PPM1M: variants seen among roughly 807,000 people sequenced by gnomAD.
PPM1M encodes protein phosphatase, Mg2+/Mn2+ dependent 1M, also known as protein phosphatase 1M.
PPM1M carries 44 observed loss-of-function variants against 50.8 expected under a neutral mutation model. The ratio of observed to expected loss-of-function variants is 0.87; its 90% CI spans 0.68 to 1.11. The LOEUF (loss-of-function observed/expected upper bound fraction) is 1.11, where lower values mean the gene tolerates loss of function less well. Among genes scored for constraint, PPM1M ranks in the 50% most tolerant of loss-of-function variants. The pLI is 0.00. For synonymous variants in PPM1M, 224 were observed against 242.9 expected, an observed-to-expected ratio of 0.92 and a Z score of 0.72; for missense variants, 556 against 593.4, an observed-to-expected ratio of 0.94 and a Z score of 0.66.
At position 52,245,767 on chromosome 3, in the gene PPM1M, C is replaced by T. The variant is rs1275697924; in HGVS notation, c.-58C>T. 5 of 873,908 alleles carry T rather than the reference C, an allele frequency of 5.7e-6. No homozygotes were observed. In the East Asian group the frequency reaches 4.9e-4, roughly 86 times the overall value. The allele number at this position is 873,908 out of a possible 1,614,324, so 54.1% of individuals were successfully genotyped here. ...CCGCCCGCGGCCCGCTTCTTCCTCCCGCGGGCGGCCCAGCCCTAGCGCCCC... is the reference window on the plus strand; with the variant it reads ...CCGCCCGCGGCCCGCTTCTTCCTCCTGCGGGCGGCCCAGCCCTAGCGCCCC... On this transcript the variant is annotated 5_prime_UTR_variant, in exon 1 of 10. Coordinates refer to ENST00000323588, the MANE Select transcript of PPM1M (RefSeq NM_144641.4). The surrounding 1 kb of genome is among the most constrained non-coding windows in gnomAD (Gnocchi z 4.8).
Position 52,247,641 on chromosome 3 carries a change from G to A in PPM1M, c.598-41G>A, listed in dbSNP as rs765747690. The stretch of plus-strand genomic sequence containing the variant: ...GATTGAGAGACAAAGTAGTATGGTG[G>A]CAGAACAGGCAGCAGCTAAGGTGGC... On this transcript the variant is annotated intron_variant, in intron 3 of 9. Coordinates refer to ENST00000323588, the MANE Select transcript of PPM1M (RefSeq NM_144641.4). 3.1e-6 allele frequency: 4 copies of A among 1,287,976 alleles called. No homozygotes were observed. The African/African-American group carries it at 4.4e-5, about 14-fold the overall frequency. The allele number at this position is 1,287,976 out of a possible 1,614,324, so 79.8% of individuals were successfully genotyped here. A position where few individuals can be genotyped will look rare whatever the true frequency, so the allele number is the denominator to read the frequency against.
chr3:52,249,495 ATTTAGACTCTCATGG>A, intron 9 of PPM1M, 160 bp from the exon 10 acceptor site: 2 of 1,259,020 alleles, frequency 1.6e-6, no homozygotes, highest in Non-Finnish European at 1.1e-6. Flanking sequence ...AAATCCCTGG[ATTTAGACTCTCATGG>A]TCCAGCCCGT....
rs746381519 is a variant in PPM1M, at chr3:52,248,638, A to T, written c.916A>T (p.Ser306Cys). Residue 306 changes from serine to cysteine, a missense_variant and splice_region_variant, in exon 7 of 10, where the codon AGC (serine) becomes TGC (cysteine). Transcript: ENST00000323588. ...TGATGCTGGCTCTGCTCCTGGTAGG[A>T]GCTACAAACGTGTGGAGAAATCGGA... ...LFRDHHMSGW[S>C]YKRVEKSDLK... 6 of 1,613,692 alleles carry T rather than the reference A, an allele frequency of 3.7e-6. No homozygotes were observed. In the African/African-American group the frequency reaches 8.0e-5, roughly 22 times the overall value.
intron 7 of PPM1M, 94 bp from the exon 8 acceptor site, chr3:52,248,862 C>T (rs1433360197): frequency 2.4e-6 from 3 of 1,245,702 alleles, no homozygotes; most frequent in South Asian, 1.3e-5. Context: ...GGGCCACAGT[C>T]CACCTCTCCC....
In PPM1M at chr3:52,245,770, G is replaced by C; in HGVS notation, c.-55G>C. ...CCCGCGGCCCGCTTCTTCCTCCCGC[G>C]GGCGGCCCAGCCCTAGCGCCCCGCG... On this transcript the variant is annotated 5_prime_UTR_variant, in exon 1 of 10. Coordinates refer to ENST00000323588, the MANE Select transcript of PPM1M (RefSeq NM_144641.4). This position sits in a 1 kb window ranked among gnomAD's most constrained non-coding sequence, Gnocchi z 4.8. 1.1e-6 allele frequency: 1 copy of C among 885,114 alleles called. No homozygotes were observed. The highest frequency in any genetic ancestry group is 1.4e-6 in the Non-Finnish European group (1 of 739,986). 54.8% of individuals were successfully genotyped at this position (885,114 alleles called of 1,614,324 possible). A position where few individuals can be genotyped will look rare whatever the true frequency, so the allele number is the denominator to read the frequency against.
At position 52,249,878 on chromosome 3, in the gene PPM1M, T is replaced by C; in HGVS notation, c.*64T>C. 6.6e-7 allele frequency: 1 copy of C among 1,520,790 alleles called. No homozygotes were observed. Among genetic ancestry groups the C allele is most frequent in the Non-Finnish European group, 9.0e-7 (1 of 1,117,134 alleles). 94.2% of individuals were successfully genotyped at this position (1,520,790 alleles called of 1,614,324 possible). A position where few individuals can be genotyped will look rare whatever the true frequency, so the allele number is the denominator to read the frequency against. ...GGGTGTGGTCTGGGCATCCCTCCAG[T>C]GTGACCAAGAGCAAATCCTGCCTGC... On this transcript the variant is annotated 3_prime_UTR_variant, in exon 10 of 10. Coordinates refer to ENST00000323588, the MANE Select transcript of PPM1M (RefSeq NM_144641.4).
chr3:52,245,798 C>G lies in PPM1M; in HGVS notation c.-27C>G. On this transcript the variant is annotated 5_prime_UTR_variant, in exon 1 of 10. Transcript: ENST00000323588. The surrounding 1 kb of genome is among the most constrained non-coding windows in gnomAD (Gnocchi z 4.8). ...CGGCCCAGCCCTAGCGCCCCGCGCT[C>G]CGCGGGCAGCCCCCTGCCGCCGCGC... The G allele has an allele frequency of 3.0e-6, 3 of 993,376 alleles. No homozygotes were observed. The highest frequency in any genetic ancestry group is 3.6e-6 in the Non-Finnish European group (3 of 836,382). 61.5% of individuals were successfully genotyped at this position (993,376 alleles called of 1,614,324 possible).
chr3:52,249,183 C>G lies in PPM1M; in HGVS notation c.1096C>G (p.Leu366Val). 1 of 1,613,748 alleles carries G rather than the reference C, an allele frequency of 6.2e-7. No individual in the cohort carries two copies. Among genetic ancestry groups the G allele is most frequent in the Non-Finnish European group, 8.5e-7 (1 of 1,179,758 alleles). Residue 366 changes from leucine to valine, a missense_variant, in exon 9 of 10, where the codon CTG becomes GTG. Leu to Val is a conservative substitution (Grantham distance 32, BLOSUM62 1). Coordinates refer to ENST00000323588, the MANE Select transcript of PPM1M (RefSeq NM_144641.4). ...FLLSVPQVTVLDVDQLELQED... is the reference protein window; with the variant it reads ...FLLSVPQVTVVDVDQLELQED... ...CAGGCTTAATTTGTAGGTGACTGTG[C>G]TGGATGTGGACCAGCTGGAGCTACA... is the stretch of plus-strand genomic sequence containing the variant.
intron 1 of PPM1M, 159 bp from the exon 2 acceptor site, chr3:52,246,536 G>C (rs1201238632): frequency 4.1e-6 from 2 of 491,526 alleles, no homozygotes. Context: ...AGTGAAGTTA[G>C]GAAGCTTACA....
chr3:52,247,480 G>T, intron 3 of PPM1M: 1 of 671,108 alleles, frequency 1.5e-6, no homozygotes, highest in Non-Finnish European at 2.5e-6. Context: ...TGGTGCAGGG[G>T]CTGGTTTCTC....
intron 3 of PPM1M, 77 bp downstream of exon 3, chr3:52,247,305 C>G: frequency 6.6e-7 from 1 of 1,506,822 alleles, no homozygotes; most frequent in South Asian, 1.3e-5. Context: ...TCTCTGTATA[C>G]CCATGGTCAT....
chr3:52,248,855 C>A, intron 7 of PPM1M, 101 bp from the exon 8 acceptor site: 1 of 1,235,754 alleles, frequency 8.1e-7, no homozygotes, highest in Non-Finnish European at 1.2e-6. Flanking sequence ...CTTCCAAGGG[C>A]CACAGTCCAC....
In PPM1M at chr3:52,249,857, G is replaced by A. The variant is rs1479701846; in HGVS notation, c.*43G>A. On this transcript the variant is annotated 3_prime_UTR_variant, in exon 10 of 10. Transcript: ENST00000323588. ...CCCAGAACTGCTCTAGTGCCCGGGT[G>A]TGGTCTGGGCATCCCTCCAGTGTGA... The A allele has an allele frequency of 8.9e-6, 14 of 1,575,914 alleles. No individual in the cohort carries two copies. Among genetic ancestry groups the A allele is most frequent in the Non-Finnish European group, 1.2e-5 (14 of 1,155,696 alleles).
chr3:52,250,256 C>CTA lies in PPM1M; in HGVS notation c.*442_*443insTA. On this transcript the variant is annotated 3_prime_UTR_variant, in exon 10 of 10. Transcript: ENST00000323588. ...GCATGTGTTCAACAACCCCCAAAGT[C>CTA]CACGCAGGTGGCTTGTAGAAACCTT... 1.2e-5 allele frequency: 2 copies of CTA among 170,958 alleles called. No homozygotes were observed. Among genetic ancestry groups the CTA allele is most frequent in the Admixed American group, 5.5e-5 (1 of 18,132 alleles). The allele number at this position is 170,958 out of a possible 1,614,324, so 10.6% of individuals were successfully genotyped here. A position where few individuals can be genotyped will look rare whatever the true frequency, so the allele number is the denominator to read the frequency against.
chr3:52,246,841 ATCCC>A, intron 2 of PPM1M, 29 bp downstream of exon 2: 1 of 1,457,416 alleles, frequency 6.9e-7, no homozygotes, highest in Non-Finnish European at 9.2e-7. Context: ...CTTGGCTGGA[ATCCC>A]TCCGACAGGC....
rs1577999123 is a variant in PPM1M at position 52,249,490 on chromosome 3, C to G, written c.1235+168C>G. On this transcript the variant is annotated intron_variant, in intron 9 of 9. Coordinates refer to ENST00000323588, the MANE Select transcript of PPM1M (RefSeq NM_144641.4). ...AGGGAGACCGTGGGTTCCGAAAATCCCTGGATTTAGACTCTCATGGTCCAG... is the reference window on the plus strand; with the variant it reads ...AGGGAGACCGTGGGTTCCGAAAATCGCTGGATTTAGACTCTCATGGTCCAG... The G allele has an allele frequency of 2.8e-5, 36 of 1,266,410 alleles. No individual in the cohort carries two copies. The South Asian group carries it at 3.6e-4, about 13-fold the overall frequency. The allele number at this position is 1,266,410 out of a possible 1,614,324, so 78.4% of individuals were successfully genotyped here.
chr3:52,248,393 G>C lies in PPM1M; in HGVS notation c.854G>C (p.Arg285Pro). 6.2e-7 allele frequency: 1 copy of C among 1,613,736 alleles called. No homozygotes were observed. Among genetic ancestry groups the C allele is most frequent in the Non-Finnish European group, 8.5e-7 (1 of 1,179,802 alleles). ...TTCACCCGACTGGAGTTCCCTCGGC[G>C]GCTGAAGGGGGATGACTTGGGACAG... ...GEFTRLEFPR[R>P]LKGDDLGQKV... The change falls in exon 6 of 10, where the codon CGG becomes CCG. Residue 285 changes from arginine to proline, a missense_variant. Transcript: ENST00000323588.
At chr3:52,246,160 A>G in intron 1 of PPM1M, 112 bp downstream of exon 1, 1 of 1,029,798 alleles carries the variant, frequency 9.7e-7, no homozygotes, top group Non-Finnish European at 1.2e-6. Flanking sequence ...CCACCTGTGG[A>G]CAGCCCCTTC....
chr3:52,250,031 T>C lies in PPM1M; in HGVS notation c.*217T>C. The C allele has an allele frequency of 1.9e-6, 1 of 520,766 alleles. No individual in the cohort carries two copies. Among genetic ancestry groups the C allele is most frequent in the Non-Finnish European group, 3.5e-6 (1 of 288,658 alleles). The allele number at this position is 520,766 out of a possible 1,614,324, so 32.3% of individuals were successfully genotyped here. The stretch of plus-strand genomic sequence containing the variant: ...GAGCCCAGCCCACCAGGTCCTGCCT[T>C]TTGCGGTGATAACCTTCTCTGGCAG... On this transcript the variant is annotated 3_prime_UTR_variant, in exon 10 of 10. Transcript: ENST00000323588.
Sources: gnomAD v4.1 joint callset for allele counts on GRCh38, gnomAD v4.1.1 for gene constraint, Gnocchi (gnomAD v3.1) non-coding constraint, MANE v1.5 for transcripts, NCBI Gene and HGNC (gene_info 2026-07-23, HGNC 2026-07-21) for gene names.